The following CCDC69 variants were observed in gnomAD, a reference collection of about 807,000 sequenced individuals.
The protein encoded by CCDC69 is coiled-coil domain-containing protein 69.
CCDC69 carries 38 observed loss-of-function variants against 40.3 expected under a neutral mutation model. The ratio of observed to expected loss-of-function variants is 0.94; its 90% CI spans 0.73 to 1.24. The LOEUF is 1.24. CCDC69 is among the 50% of genes most tolerant of loss of function. The pLI, the probability that CCDC69 is intolerant of heterozygous loss-of-function variation, is 0.00. For synonymous variants in CCDC69, 141 were observed against 138.9 expected (o/e 1.02, Z -0.11); for missense variants, 389 against 357.9 (o/e 1.09, Z -0.70).
intron 1 of CCDC69, among the ~76,000 whole-genome samples, chr5:151,210,429 A>G (rs2113999785): frequency 6.6e-6 from 1 of 152,210 alleles, no homozygotes; most frequent in African/African-American, 2.4e-5. Flanking sequence ...CTCTAACCCC[A>G]GCTACTTGGG....
chr5:151,194,120 T>C (rs938233109), intron 4 of CCDC69, among the ~76,000 whole-genome samples: 2 of 152,248 alleles, frequency 1.3e-5, no homozygotes, highest in Admixed American at 1.3e-4. Context: ...TGATATAAAA[T>C]AGTGGTCACT....
At chr5:151,184,621 C>A in intron 7 of CCDC69, 180 bp from the exon 8 acceptor site, 2 of 521,182 alleles carry the variant, frequency 3.8e-6, no homozygotes, top group East Asian at 6.1e-5. Flanking sequence ...CAAAGGGCTG[C>A]GGCTTTTTGC....
chr5:151,184,490 G>T (rs374383707), intron 7 of CCDC69, 49 bp from the exon 8 acceptor site: 31 of 1,189,690 alleles, frequency 2.6e-5, no homozygotes, highest in Non-Finnish European at 3.6e-5. Flanking sequence ...CACGCTGCAC[G>T]ATGTGTGCTG....
chr5:151,201,322 G>T (rs1752773406), intron 3 of CCDC69, among the ~76,000 whole-genome samples: 1 of 152,198 alleles, frequency 6.6e-6, no homozygotes, highest in Non-Finnish European at 1.5e-5. Context: ...TAATCTAGTG[G>T]CATCAACAGC....
intron 2 of CCDC69, among the ~76,000 whole-genome samples, chr5:151,201,895 A>G (rs183267089): frequency 1.2e-3 from 187 of 151,402 alleles, no homozygotes; most frequent in African/African-American, 4.1e-3. Context: ...GAATAAGCCA[A>G]TGGTCTCATT....
At chr5:151,208,970 G>A (rs1388169629) in intron 1 of CCDC69, among the ~76,000 whole-genome samples, 1 of 152,194 alleles carries the variant, frequency 6.6e-6, no homozygotes, top group Non-Finnish European at 1.5e-5. Context: ...GGTCACTACA[G>A]GCGAGGAAAC....
At chr5:151,195,611 C>T (rs964435790) in intron 4 of CCDC69, among the ~76,000 whole-genome samples, 3 of 146,812 alleles carry the variant, frequency 2.0e-5, no homozygotes, top group African/African-American at 2.5e-5. Flanking sequence ...CCCAGCTACT[C>T]GGGAGGCTGA....
intron 4 of CCDC69, among the ~76,000 whole-genome samples, chr5:151,191,483 TAACA>T (rs368506797): frequency 1.2e-4 from 18 of 152,172 alleles, no homozygotes; most frequent in African/African-American, 4.3e-4. Flanking sequence ...AAACAAACCT[TAACA>T]AACTATAAAA....
intron 2 of CCDC69, among the ~76,000 whole-genome samples, chr5:151,202,788 A>G (rs1752793407): frequency 1.3e-5 from 2 of 152,214 alleles, no homozygotes; most frequent in Admixed American, 6.5e-5. Context: ...CACTGAGTCT[A>G]TCAGATACTA....
intron 1 of CCDC69, among the ~76,000 whole-genome samples, 173 bp downstream of exon 1, chr5:151,223,750 G>A (rs900901251): frequency 1.3e-5 from 2 of 152,194 alleles, no homozygotes; most frequent in Non-Finnish European, 2.9e-5. Flanking sequence ...TCGGGCCGGG[G>A]TAAAGGGCGC....
Position 151,199,056 on chromosome 5 carries a change from C to G in CCDC69, c.260G>C (p.Arg87Pro). 3 of 1,614,050 alleles carry G rather than the reference C, an allele frequency of 1.9e-6. No homozygotes were observed. The highest frequency in any genetic ancestry group is 1.7e-5 in the Admixed American group (1 of 60,016). The change falls in exon 4 of 9, where the codon CGA becomes CCA. Residue 87 changes from arginine to proline, a missense_variant. Transcript: ENST00000355417. ...QVEKERELEL[R>P]DRLDEQQRVL... ...CCTTTGCTGCTCATCCAGTCTGTCTCGAAGCTCTAGCTCCCTTTCCTTCTC... is the reference window on the plus strand; with the variant it reads ...CCTTTGCTGCTCATCCAGTCTGTCTGGAAGCTCTAGCTCCCTTTCCTTCTC...
At chr5:151,184,112 A>G (rs1013364143) in intron 8 of CCDC69, among the ~76,000 whole-genome samples, 4 of 152,120 alleles carry the variant, frequency 2.6e-5, no homozygotes, top group Non-Finnish European at 5.9e-5. Flanking sequence ...CACAGAGTAC[A>G]CTCAGCCAGG....
chr5:151,224,059 C>G lies in CCDC69; in HGVS notation c.-89G>C, dbSNP rs61738620. 1 of 1,228,406 alleles carries G rather than the reference C, an allele frequency of 8.1e-7. No individual in the cohort carries two copies. The highest frequency in any genetic ancestry group is 1.6e-5 in the African/African-American group (1 of 62,252). The allele number at this position is 1,228,406 out of a possible 1,614,324, so 76.1% of individuals were successfully genotyped here. A position where few individuals can be genotyped will look rare whatever the true frequency, so the allele number is the denominator to read the frequency against. ...CGGGCCCCGCTGCCCGCTCCGCGCC[C>G]GCCGGCTGGGGCTGCCGGCGAGACC... On this transcript the variant is annotated 5_prime_UTR_variant, in exon 1 of 9. Coordinates refer to ENST00000355417, the MANE Select transcript of CCDC69 (RefSeq NM_015621.3).
At position 151,183,555 on chromosome 5, in the gene CCDC69, C is replaced by G; in HGVS notation, c.773G>C (p.Arg258Pro). ...REALEKEVQL[R>P]RQLQQEKEEL... ...CTCCTTCTCCTGCTGGAGCTGTCGCCGCAGCTGCACCTCCTTCTCCAGGGC... is the reference window on the plus strand; with the variant it reads ...CTCCTTCTCCTGCTGGAGCTGTCGCGGCAGCTGCACCTCCTTCTCCAGGGC... The change falls in exon 9 of 9, where the codon CGG (arginine) becomes CCG (proline). Residue 258 changes from arginine (R) to proline (P), a missense_variant. By Grantham distance (103) the Arg-to-Pro change is moderately radical. Transcript: ENST00000355417. 1 of 1,611,864 alleles carries G rather than the reference C, an allele frequency of 6.2e-7. No homozygotes were observed. Among genetic ancestry groups the G allele is most frequent in the Non-Finnish European group, 8.5e-7 (1 of 1,179,384 alleles).
intron 4 of CCDC69, 36 bp downstream of exon 4, chr5:151,198,961 C>T (rs763508959): frequency 3.2e-6 from 5 of 1,546,694 alleles, no homozygotes; most frequent in Middle Eastern, 1.7e-4. Flanking sequence ...GAAGCACCCC[C>T]CACCACCTTG....
Position 151,185,537 on chromosome 5 carries a change from T to A in CCDC69, c.500A>T (p.Tyr167Phe), listed in dbSNP as rs751194713. The A allele has an allele frequency of 6.2e-7, 1 of 1,613,930 alleles. No homozygotes were observed. The stretch of plus-strand genomic sequence containing the variant: ...CTCCCAGAACTGGCTGGGGCTCCCA[T>A]AATCCTAGACAGGGACAGAGTGACC... Reference protein sequence around the residue: ...SRNYKKHIQDYGSPSQFWEQE... With the variant: ...SRNYKKHIQDFGSPSQFWEQE... Residue 167 changes from tyrosine (Y) to phenylalanine (F), a missense_variant, in exon 7 of 9, where the codon TAT (tyrosine) becomes TTT (phenylalanine). By Grantham distance (22) the Tyr-to-Phe change is conservative (BLOSUM62 3). Transcript: ENST00000355417.
At chr5:151,202,385 A>G (rs1270819893) in intron 2 of CCDC69, among the ~76,000 whole-genome samples, 1 of 152,150 alleles carries the variant, frequency 6.6e-6, no homozygotes, top group Non-Finnish European at 1.5e-5. Flanking sequence ...TAATTTAAAA[A>G]TTAGTTGTTG....
intron 1 of CCDC69, among the ~76,000 whole-genome samples, chr5:151,213,105 A>G (rs1433795137): frequency 6.6e-6 from 1 of 152,196 alleles, no homozygotes; most frequent in Non-Finnish European, 1.5e-5. Flanking sequence ...TATCTACTAC[A>G]TGGCATGTAA....
chr5:151,181,772 T>G lies in CCDC69; in HGVS notation c.*1665A>C, dbSNP rs61740043. 14 of 152,376 alleles carry G rather than the reference T, an allele frequency of 9.2e-5. No homozygotes were observed. The highest frequency in any genetic ancestry group is 2.9e-4 in the African/African-American group (12 of 41,578). The allele number at this position is 152,376 out of a possible 1,614,324, so 9.4% of individuals were successfully genotyped here. On this transcript the variant is annotated 3_prime_UTR_variant, in exon 9 of 9. Transcript: ENST00000355417. ...TGGACATTAGTTCAATAAACTAGTG[T>G]ATCGCAGATGTGCTTTGCAAAAAGC...
Sources: gnomAD v4.1 joint callset for allele counts (sites outside exome capture counted in the v4.1 genomes callset) on GRCh38, gnomAD v4.1.1 for gene constraint, MANE v1.5 for transcripts, NCBI Gene and HGNC (gene_info 2026-07-23, HGNC 2026-07-21) for gene names.